The following TAF1A variants were observed in gnomAD, a reference collection of about 807,000 sequenced individuals.
TAF1A encodes the protein TATA box-binding protein-associated factor RNA polymerase I subunit A.
Under a neutral mutation model 61.6 loss-of-function variants are expected in TAF1A, and 42 were observed. That is an observed-to-expected ratio of 0.68 (90% CI 0.53 to 0.88). The LOEUF (loss-of-function observed/expected upper bound fraction) is 0.88. Ranked by LOEUF, TAF1A falls within the 40% of genes least tolerant of loss-of-function variation. TAF1A has a pLI of 0.00. For synonymous variants in TAF1A, 179 were observed against 177.7 expected, an observed-to-expected ratio of 1.01 and a Z score of -0.06; for missense variants, 424 against 518.7, an observed-to-expected ratio of 0.82 and a Z score of 1.77.
intron 7 of TAF1A, among the ~76,000 whole-genome samples, 191 bp from the exon 8 acceptor site, chr1:222,564,316 T>TAAA (rs34892481): frequency 5.4e-5 from 6 of 110,606 alleles, no homozygotes; most frequent in African/African-American, 2.1e-4. Flanking sequence ...AAAGCTGTCT[T>TAAA]AAAAAAAAAA....
chr1:222,573,098 A>G (rs1660426427), intron 5 of TAF1A, among the ~76,000 whole-genome samples: 2 of 152,138 alleles, frequency 1.3e-5, no homozygotes, highest in East Asian at 1.9e-4. Flanking sequence ...GTGAAACCCC[A>G]TTTCTACTAA....
Position 222,564,636 on chromosome 1 carries a change from A to G in TAF1A, c.895-511T>C, listed in dbSNP as rs563025315. ...AGGTTATATGAGTAAATATTTTAAC[A>G]ACCTTTCACACAATGAAAAAATTAA... On this transcript the variant is annotated intron_variant, in intron 7 of 10. Transcript: ENST00000352967. 2.1e-4 allele frequency among the ~76,000 whole-genome samples: 32 copies of G among 152,268 alleles called. 1 individual carries two copies. Among genetic ancestry groups the G allele is most frequent in the Non-Finnish European group, 3.7e-4 (25 of 67,982 alleles).
chr1:222,575,816 G>A (rs927881541), intron 5 of TAF1A, among the ~76,000 whole-genome samples: 28 of 152,186 alleles, frequency 1.8e-4, no homozygotes, highest in African/African-American at 6.8e-4. Flanking sequence ...GTCAGCTACG[G>A]AAAGGTACTG....
rs1134898 is a variant in TAF1A at position 222,561,461 on chromosome 1, G to C, written c.1143C>G (p.Gly381=). 0.46 allele frequency: 736,796 copies of C among 1,611,514 alleles called. 175,885 individuals are homozygous for C. The highest frequency in any genetic ancestry group is 0.49 in the Non-Finnish European group (572,442 of 1,178,674). ...TTGCCCAAAAGTAGCTGAAATGAAA[G>C]CCTGGCCACCAGTTTTTCCTGGAGT... ...EWNSRKNWWP[G]FHFSYFWAKS... Residue 381 remains glycine, a synonymous_variant, in exon 10 of 11, where the codon GGC becomes GGG. Coordinates refer to ENST00000352967, the MANE Select transcript of TAF1A (RefSeq NM_005681.4).
downstream of TAF1A, among the ~76,000 whole-genome samples, chr1:222,555,536 T>C (rs973711308): frequency 6.6e-6 from 1 of 152,062 alleles, no homozygotes; most frequent in African/African-American, 2.4e-5. Context: ...GAGGGTAAGA[T>C]GGTTGCCAGG....
Position 222,561,510 on chromosome 1 carries a change from A to C in TAF1A, c.1094T>G (p.Leu365Arg), listed in dbSNP as rs2102637232. ...GTTCCACTCTTCTTGAACCCACGCA[A>C]GGTGGTTTCTGGAAAAGAAAAATGT... ...YLKNILMGNH[L>R]AWVQEEWNSR... Residue 365 changes from leucine to arginine, a missense_variant, in exon 10 of 11, where the codon CTT (leucine) becomes CGT (arginine). Coordinates refer to ENST00000352967, the MANE Select transcript of TAF1A (RefSeq NM_005681.4). 2 of 1,591,248 alleles carry C rather than the reference A, an allele frequency of 1.3e-6. No homozygotes were observed. Among genetic ancestry groups the C allele is most frequent in the East Asian group, 4.5e-5 (2 of 44,462 alleles).
At chr1:222,577,340 C>G (rs1304290728) in intron 5 of TAF1A, 105 bp downstream of exon 5, 1 of 860,992 alleles carries the variant, frequency 1.2e-6, no homozygotes, top group Non-Finnish European at 1.8e-6. Context: ...AGTCTGTTCT[C>G]CATAATATCT....
intron 5 of TAF1A, among the ~76,000 whole-genome samples, chr1:222,573,121 T>C (rs889959191): frequency 1.3e-5 from 2 of 151,976 alleles, no homozygotes; most frequent in Non-Finnish European, 2.9e-5. Context: ...ACACAAAAAT[T>C]AGCTGGGCGT....
intron 3 of TAF1A, among the ~76,000 whole-genome samples, chr1:222,582,166 T>C (rs887259961): frequency 6.6e-6 from 1 of 152,204 alleles, no homozygotes; most frequent in African/African-American, 2.4e-5. Context: ...CATTTTTGAA[T>C]TCGGAATGCT....
chr1:222,558,268 C>T (rs1184020344), downstream of TAF1A: 1 of 152,124 alleles, frequency 6.6e-6, no homozygotes, highest in East Asian at 1.9e-4. Context: ...TGGTGGTATA[C>T]CTAAAATGGA....
chr1:222,581,473 C>A (rs1660787005), intron 3 of TAF1A, among the ~76,000 whole-genome samples: 1 of 152,064 alleles, frequency 6.6e-6, no homozygotes, highest in African/African-American at 2.4e-5. Context: ...CTGTCTTTTA[C>A]TGAAGAAATT....
intron 7 of TAF1A, among the ~76,000 whole-genome samples, chr1:222,566,942 C>T (rs1051734720): frequency 6.6e-6 from 1 of 152,146 alleles, no homozygotes; most frequent in Admixed American, 6.5e-5. Flanking sequence ...CAATTTCACT[C>T]CTGAGTATAC....
In TAF1A at chr1:222,558,786, C is replaced by A; in HGVS notation, c.1241-14G>T. 7.1e-7 allele frequency: 1 copy of A among 1,408,806 alleles called. No homozygotes were observed. Among genetic ancestry groups the A allele is most frequent in the Non-Finnish European group, 9.6e-7 (1 of 1,042,126 alleles). 87.3% of individuals were successfully genotyped at this position (1,408,806 alleles called of 1,614,324 possible). ...AATATCTACAACCTAAAAAGTTAAG[C>A]AAAATAAAAAGTTTTAATACTCATC... On this transcript the variant is annotated splice_polypyrimidine_tract_variant and intron_variant, in intron 10 of 10. Coordinates refer to ENST00000352967, the MANE Select transcript of TAF1A (RefSeq NM_005681.4).
chr1:222,573,619 T>C (rs1399007757), intron 5 of TAF1A, among the ~76,000 whole-genome samples: 2 of 152,172 alleles, frequency 1.3e-5, no homozygotes, highest in Non-Finnish European at 2.9e-5. Flanking sequence ...GGTGAGGATG[T>C]GGAGAAATTT....
chr1:222,582,097 G>A (rs1660811316), intron 3 of TAF1A, among the ~76,000 whole-genome samples: 1 of 152,146 alleles, frequency 6.6e-6, no homozygotes, highest in Admixed American at 6.5e-5. Context: ...CCATTAGAAA[G>A]CAAAGGTGTC....
intron 3 of TAF1A, among the ~76,000 whole-genome samples, chr1:222,582,967 T>C (rs1660848670): frequency 6.6e-6 from 1 of 152,084 alleles, no homozygotes; most frequent in Non-Finnish European, 1.5e-5. Context: ...ACAGATCACT[T>C]GAGGCCAGGA....
chr1:222,568,116 A>G (rs1423288171), intron 7 of TAF1A, among the ~76,000 whole-genome samples: 3 of 151,538 alleles, frequency 2.0e-5, no homozygotes, highest in African/African-American at 7.3e-5. Context: ...TTTGCCACAC[A>G]CTACCCACAA....
At position 222,569,509 on chromosome 1, in the gene TAF1A, C is replaced by T. The variant is rs143290656; in HGVS notation, c.894+1G>A. The T allele has an allele frequency of 1.6e-4, 251 of 1,613,636 alleles. No individual in the cohort carries two copies. Among genetic ancestry groups the T allele is most frequent in the Non-Finnish European group, 2.1e-4 (242 of 1,179,866 alleles). On this transcript the variant is annotated splice_donor_variant, in intron 7 of 10. Coordinates refer to ENST00000352967, the MANE Select transcript of TAF1A (RefSeq NM_005681.4). LOFTEE classifies it high-confidence loss of function. ...CAAACATCGAGATAAAAATTCTATA[C>T]CTTAAGCACACTTATCAATTTTGAT...
intron 8 of TAF1A, among the ~76,000 whole-genome samples, chr1:222,563,566 C>T (rs1659998475): frequency 6.6e-6 from 1 of 152,156 alleles, no homozygotes; most frequent in Non-Finnish European, 1.5e-5. Flanking sequence ...CTACTAAGGA[C>T]ATTATTTAAA....
Sources: allele counts gnomAD v4.1 joint callset (sites outside exome capture counted in the v4.1 genomes callset), GRCh38; gene constraint gnomAD v4.1.1; transcripts MANE v1.5; gene names NCBI Gene and HGNC (gene_info 2026-07-23, HGNC 2026-07-21).